Variants in RNF180 observed in about 807,000 individuals in gnomAD.
RNF180 encodes the protein ring finger protein 180, also known as E3 ubiquitin-protein ligase RNF180.
In RNF180, 38 loss-of-function variants were observed where a neutral mutation model predicts 59.2. The observed-to-expected ratio is 0.64, with a 90% CI of 0.50 to 0.84. The LOEUF (loss-of-function observed/expected upper bound fraction) is 0.84. Among genes scored for constraint, RNF180 ranks in the 40% least tolerant of loss-of-function variants. The pLI, the probability that RNF180 is intolerant of heterozygous loss-of-function variation, is 0.00. For synonymous variants in RNF180, 262 were observed against 240.3 expected, an observed-to-expected ratio of 1.09 and a Z score of -0.84; for missense variants, 705 against 700.9, an observed-to-expected ratio of 1.01 and a Z score of -0.07.
At chr5:64,346,356 C>CTTCTTTTTTTTTTTTT (rs1745555392) in intron 7 of RNF180, among the ~76,000 whole-genome samples, 1 of 47,142 alleles carries the variant, frequency 2.1e-5, no homozygotes, top group African/African-American at 7.9e-5. Context: ...TTTTTCTTTT[C>CTTCTTTTTTTTTTTTT]TTCTTTTTTT....
chr5:64,247,378 C>T (rs1220668748), intron 5 of RNF180, among the ~76,000 whole-genome samples: 1 of 152,114 alleles, frequency 6.6e-6, no homozygotes, highest in Non-Finnish European at 1.5e-5. Context: ...CGTCTCAGCC[C>T]AAAATCTCCT....
At chr5:64,221,548 T>G (rs1208044734) in intron 5 of RNF180, among the ~76,000 whole-genome samples, 1 of 152,108 alleles carries the variant, frequency 6.6e-6, no homozygotes, top group Non-Finnish European at 1.5e-5. Context: ...TTATTCTACC[T>G]TCTAGGAAGT....
At position 64,369,665 on chromosome 5, in the gene RNF180, G is replaced by T. The variant is rs774684839; in HGVS notation, c.1630G>T (p.Ala544Ser). The T allele has an allele frequency of 2.3e-5, 35 of 1,544,404 alleles. No individual in the cohort carries two copies. The East Asian group carries it at 7.1e-4, about 31-fold the overall frequency. Residue 544 changes from alanine to serine, a missense_variant, in exon 8 of 8, where the codon GCA (alanine) becomes TCA (serine). Physicochemically the swap from Ala to Ser is moderately conservative, Grantham distance 99. Transcript: ENST00000389100. ...PVTRRQFPHG[A>S]HRMDYLHFED... ...TACAAGAAGGCAGTTCCCACACGGT[G>T]CACACAGGATGGATTACCTGCACTT...
chr5:64,210,033 T>C (rs149836698), intron 2 of RNF180, among the ~76,000 whole-genome samples: 3 of 152,194 alleles, frequency 2.0e-5, no homozygotes, highest in African/African-American at 4.8e-5. Context: ...TGAACTGTTA[T>C]TGTAAATTAA....
At chr5:64,249,274 A>G (rs1436399031) in intron 5 of RNF180, among the ~76,000 whole-genome samples, 2 of 152,110 alleles carry the variant, frequency 1.3e-5, no homozygotes, top group Non-Finnish European at 1.5e-5. Context: ...AAATAAGCTC[A>G]CTGTCAAAAC....
chr5:64,341,353 T>A (rs1182214073), intron 7 of RNF180, among the ~76,000 whole-genome samples: 1 of 152,198 alleles, frequency 6.6e-6, no homozygotes, highest in Non-Finnish European at 1.5e-5. Flanking sequence ...TGGATTTTTT[T>A]ATCCTTTGAG....
chr5:64,292,346 A>G (rs1742641674), intron 5 of RNF180, among the ~76,000 whole-genome samples: 2 of 151,618 alleles, frequency 1.3e-5, no homozygotes, highest in Middle Eastern at 6.8e-3. Context: ...TTGCTGCCTT[A>G]TTTTCTTTTA....
intron 7 of RNF180, among the ~76,000 whole-genome samples, chr5:64,368,550 G>A (rs140146991): frequency 2.0e-5 from 3 of 151,120 alleles, no homozygotes; most frequent in Non-Finnish European, 3.0e-5. Flanking sequence ...TGAACTAGAA[G>A]AGGCTACTCA....
At chr5:64,257,622 T>A (rs1744058479) in intron 5 of RNF180, among the ~76,000 whole-genome samples, 1 of 152,194 alleles carries the variant, frequency 6.6e-6, no homozygotes, top group African/African-American at 2.4e-5. Flanking sequence ...TTATTGAGGA[T>A]TTTTGCATCA....
chr5:64,324,965 C>T (rs922189586), intron 5 of RNF180, among the ~76,000 whole-genome samples: 2 of 152,130 alleles, frequency 1.3e-5, no homozygotes, highest in African/African-American at 4.8e-5. Context: ...TATTTTAGCA[C>T]TTAGCACTAT....
chr5:64,195,438 G>A (rs992926056), intron 1 of RNF180, among the ~76,000 whole-genome samples: 2 of 152,144 alleles, frequency 1.3e-5, no homozygotes, highest in Non-Finnish European at 2.9e-5. Context: ...TGTGAAAGGG[G>A]TGTGTTCTCC....
At chr5:64,309,455 T>C (rs1743641936) in intron 5 of RNF180, among the ~76,000 whole-genome samples, 1 of 151,702 alleles carries the variant, frequency 6.6e-6, no homozygotes. Context: ...AATATTTTCT[T>C]TCCCGTTTCT....
At chr5:64,314,705 G>A (rs1436636407) in intron 5 of RNF180, among the ~76,000 whole-genome samples, 2 of 152,112 alleles carry the variant, frequency 1.3e-5, no homozygotes, top group Non-Finnish European at 2.9e-5. Flanking sequence ...CGAGAAGAAT[G>A]CCATTGTTTT....
chr5:64,233,076 T>A (rs1042707057), intron 5 of RNF180, among the ~76,000 whole-genome samples: 2 of 152,210 alleles, frequency 1.3e-5, no homozygotes, highest in African/African-American at 4.8e-5. Flanking sequence ...AGGCAGACAC[T>A]GCACAGCACT....
chr5:64,309,354 C>T (rs1264535153), intron 5 of RNF180, among the ~76,000 whole-genome samples: 1 of 151,648 alleles, frequency 6.6e-6, no homozygotes, highest in African/African-American at 2.4e-5. Flanking sequence ...CAGCAGAAAA[C>T]ATATTCACTC....
At chr5:64,169,237 G>C (rs1182334583) in intron 1 of RNF180, among the ~76,000 whole-genome samples, 1 of 152,176 alleles carries the variant, frequency 6.6e-6, no homozygotes, top group Non-Finnish European at 1.5e-5. Context: ...ACAACGTCCT[G>C]TTGTAAATAT....
At position 64,370,499 on chromosome 5, in the gene RNF180, T is replaced by C. The variant is rs549241295; in HGVS notation, c.*685T>C. ...TTGAAGGATTAATCACCAGAAGACA[T>C]GAAAAATTTACCGACTTTTAGTAGT... On this transcript the variant is annotated 3_prime_UTR_variant, in exon 8 of 8. Coordinates refer to ENST00000389100, the MANE Select transcript of RNF180 (RefSeq NM_001113561.2). 1.4e-4 allele frequency: 21 copies of C among 151,818 alleles called. No individual in the cohort carries two copies. The highest frequency in any genetic ancestry group is 5.1e-4 in the African/African-American group (21 of 41,512). The allele number at this position is 151,818 out of a possible 1,614,324, so 9.4% of individuals were successfully genotyped here.
chr5:64,211,979 G>A (rs1017830780), intron 2 of RNF180, 86 bp from the exon 3 acceptor site: 34 of 726,308 alleles, frequency 4.7e-5, no homozygotes, highest in Non-Finnish European at 3.2e-5. Flanking sequence ...AATAGAATTT[G>A]TATTTTTGAG....
chr5:64,364,930 T>A (rs1746391171), intron 7 of RNF180, among the ~76,000 whole-genome samples: 1 of 151,576 alleles, frequency 6.6e-6, no homozygotes, highest in Admixed American at 6.6e-5. Flanking sequence ...CCTTTGTTGT[T>A]TCTGATTGTT....
Sources: allele counts gnomAD v4.1 joint callset (sites outside exome capture counted in the v4.1 genomes callset), GRCh38; gene constraint gnomAD v4.1.1; transcripts MANE v1.5; gene names NCBI Gene and HGNC (gene_info 2026-07-23, HGNC 2026-07-21).